MTMR14: variants seen among roughly 807,000 people sequenced by gnomAD.
MTMR14 encodes the protein myotubularin related protein 14, also known as phosphatidylinositol-3,5-bisphosphate 3-phosphatase MTMR14.
MTMR14 carries 48 observed loss-of-function variants against 86.3 expected under a neutral mutation model. That is an observed-to-expected ratio of 0.56 (90% CI 0.44 to 0.71). The LOEUF is 0.71. MTMR14 is among the 30% of genes least tolerant of loss of function. The pLI is 0.00. For synonymous variants in MTMR14, 366 were observed against 326.1 expected, an observed-to-expected ratio of 1.12 and a Z score of -1.32; for missense variants, 780 against 834.6, an observed-to-expected ratio of 0.93 and a Z score of 0.81.
intron 2 of MTMR14, among the ~76,000 whole-genome samples, chr3:9,660,491 C>T (rs1412421582): frequency 1.3e-5 from 2 of 152,086 alleles, no homozygotes; most frequent in Admixed American, 6.6e-5. Flanking sequence ...GAACTCCCAA[C>T]CTCAAGTGAT....
chr3:9,667,190 G>C (rs1343363923), intron 3 of MTMR14, among the ~76,000 whole-genome samples: 1 of 152,252 alleles, frequency 6.6e-6, no homozygotes, highest in East Asian at 1.9e-4. Flanking sequence ...TCAGCTGCCA[G>C]CAGCTTAGAT....
intron 7 of MTMR14, among the ~76,000 whole-genome samples, chr3:9,674,836 G>C (rs1476976824): frequency 1.3e-5 from 2 of 152,206 alleles, no homozygotes; most frequent in Non-Finnish European, 2.9e-5. Flanking sequence ...CAAAAGCCGA[G>C]TGCAGTGGCT....
At chr3:9,681,846 T>C (rs895572002) in intron 9 of MTMR14, among the ~76,000 whole-genome samples, 1 of 151,868 alleles carries the variant, frequency 6.6e-6, no homozygotes, top group African/African-American at 2.4e-5. Context: ...CTCAGCCGTG[T>C]GACCTTGGCC....
At chr3:9,688,664 C>A in intron 14 of MTMR14, 32 bp from the exon 15 acceptor site, 1 of 1,613,780 alleles carries the variant, frequency 6.2e-7, no homozygotes, top group Non-Finnish European at 8.5e-7. Flanking sequence ...CCAGATAGAT[C>A]TGGAATTTAC....
At chr3:9,659,052 G>A (rs1400186722) in intron 2 of MTMR14, among the ~76,000 whole-genome samples, 2 of 152,074 alleles carry the variant, frequency 1.3e-5, no homozygotes, top group African/African-American at 2.4e-5. Flanking sequence ...TGGGCAACAT[G>A]GTGACACCTT....
chr3:9,675,110 TCAAAA>T (rs2048783581), intron 7 of MTMR14, among the ~76,000 whole-genome samples: 1 of 152,066 alleles, frequency 6.6e-6, no homozygotes, highest in Non-Finnish European at 1.5e-5. Context: ...AAACTCCGTC[TCAAAA>T]CAAAAATAAA....
chr3:9,660,251 G>A (rs1335965261), intron 2 of MTMR14, among the ~76,000 whole-genome samples: 1 of 151,800 alleles, frequency 6.6e-6, no homozygotes, highest in Non-Finnish European at 1.5e-5. Flanking sequence ...GCCACCCTAC[G>A]GGCACTTTGC....
At chr3:9,680,890 C>T (rs538797340) in intron 9 of MTMR14, among the ~76,000 whole-genome samples, 196 of 152,346 alleles carry the variant, frequency 1.3e-3, no homozygotes, top group African/African-American at 4.6e-3. Flanking sequence ...CAGGTTCGCA[C>T]GTGCTGTTTT....
intron 13 of MTMR14, among the ~76,000 whole-genome samples, chr3:9,687,288 G>A (rs921832223): frequency 2.0e-5 from 3 of 152,182 alleles, no homozygotes; most frequent in African/African-American, 7.2e-5. Flanking sequence ...GGGCACGGTG[G>A]TTGACGCCTG....
rs76289576 is a variant in MTMR14 at position 9,663,121 on chromosome 3, C to T, written c.417+746C>T. On this transcript the variant is annotated intron_variant, in intron 3 of 18. Transcript: ENST00000296003. ...TTGTGACGTTTGAGCGGGGAAATTCCGAATGCAAGTAGCAACGGTGCGAAA... is the reference window on the plus strand; with the variant it reads ...TTGTGACGTTTGAGCGGGGAAATTCTGAATGCAAGTAGCAACGGTGCGAAA... Among the ~76,000 whole-genome samples the T allele has an allele frequency of 3.9e-5, 6 of 152,184 alleles. No individual in the cohort carries two copies. The East Asian group carries it at 5.8e-4, about 15-fold the overall frequency.
intron 14 of MTMR14, among the ~76,000 whole-genome samples, chr3:9,688,169 C>G (rs903096481): frequency 2.6e-5 from 4 of 152,208 alleles, no homozygotes; most frequent in African/African-American, 4.8e-5. Context: ...ACCAAGAAAA[C>G]AGGTGTGTTG....
intron 5 of MTMR14, among the ~76,000 whole-genome samples, chr3:9,670,106 G>C (rs1265052684): frequency 6.6e-6 from 1 of 152,220 alleles, no homozygotes; most frequent in Non-Finnish European, 1.5e-5. Flanking sequence ...GGATATTTTA[G>C]AAAAGCTCCT....
intron 3 of MTMR14, among the ~76,000 whole-genome samples, chr3:9,663,501 CTTTTTTTTTTTTTTT>C (rs4021721): frequency 1.4e-5 from 1 of 69,964 alleles, no homozygotes; most frequent in Non-Finnish European, 2.9e-5. Context: ...GAGTCTCTCT[CTTTTTTTTTTTTTTT>C]TTTTTTTTTT....
intron 2 of MTMR14, among the ~76,000 whole-genome samples, chr3:9,656,428 C>CT (rs112998784): frequency 0.19 from 27,740 of 147,442 alleles, 4,221 homozygotes; most frequent in African/African-American, 0.43. Context: ...AGCTTAGTTT[C>CT]TTTTTTTTTT....
chr3:9,684,275 C>T (rs1410126968), intron 10 of MTMR14, among the ~76,000 whole-genome samples: 1 of 152,186 alleles, frequency 6.6e-6, no homozygotes, highest in African/African-American at 2.4e-5. Context: ...GTCGTGCCCT[C>T]TGAGAAACTG....
intron 13 of MTMR14, among the ~76,000 whole-genome samples, chr3:9,686,981 C>T (rs901225809): frequency 6.6e-6 from 1 of 152,240 alleles, no homozygotes; most frequent in Non-Finnish European, 1.5e-5. Context: ...CCTCACAGCT[C>T]CTCAGCAAGG....
intron 17 of MTMR14, among the ~76,000 whole-genome samples, chr3:9,691,343 G>A (rs1433710271): frequency 3.3e-5 from 5 of 152,188 alleles, no homozygotes; most frequent in African/African-American, 4.8e-5. Flanking sequence ...CCGGTGCCCC[G>A]TCCCATCCTG....
At chr3:9,685,675 C>T (rs762438641) in intron 13 of MTMR14, among the ~76,000 whole-genome samples, 43 of 152,206 alleles carry the variant, frequency 2.8e-4, no homozygotes, top group Admixed American at 1.9e-3. Context: ...TCAGGGTGCC[C>T]GGCAGCAGGG....
At chr3:9,693,593 CTG>C (rs1266231324) in intron 17 of MTMR14, among the ~76,000 whole-genome samples, 6 of 152,114 alleles carry the variant, frequency 3.9e-5, no homozygotes, top group African/African-American at 1.2e-4. Context: ...CCTATATTTC[CTG>C]TGTGTTCAGT....
Sources: gnomAD v4.1 joint callset for allele counts (sites outside exome capture counted in the v4.1 genomes callset) on GRCh38, gnomAD v4.1.1 for gene constraint, MANE v1.5 for transcripts, NCBI Gene and HGNC (gene_info 2026-07-23, HGNC 2026-07-21) for gene names.